The following GDPD1 variants were observed in gnomAD, a reference collection of about 807,000 sequenced individuals.
GDPD1 encodes lysophospholipase D GDPD1.
A neutral mutation model predicts 45.1 loss-of-function variants in GDPD1; 28 were observed. The ratio of observed to expected loss-of-function variants is 0.62; its 90% CI spans 0.46 to 0.85. GDPD1 has a LOEUF of 0.85. Ranked by LOEUF, GDPD1 falls within the 40% of genes least tolerant of loss-of-function variation. The pLI, the probability that GDPD1 is intolerant of heterozygous loss-of-function variation, is 0.00. For missense variants in GDPD1, 256 were observed against 364.8 expected (o/e 0.70, Z 2.43); for synonymous variants, 139 against 131.4 (o/e 1.06, Z -0.40).
chr17:59,262,366 T>A (rs2047363337), intron 6 of GDPD1, among the ~76,000 whole-genome samples: 1 of 152,160 alleles, frequency 6.6e-6, no homozygotes, highest in East Asian at 1.9e-4. Flanking sequence ...GGTAAATGAC[T>A]GAACAAACTC....
intron 1 of GDPD1, among the ~76,000 whole-genome samples, chr17:59,229,939 C>T (rs546632547): frequency 6.6e-6 from 1 of 152,234 alleles, no homozygotes; most frequent in Admixed American, 6.6e-5. Flanking sequence ...GGTGCCAAGA[C>T]CTATATGCAT....
chr17:59,273,049 C>A, intron 9 of GDPD1: 2 of 896,390 alleles, frequency 2.2e-6, no homozygotes, highest in Non-Finnish European at 1.6e-6. Flanking sequence ...TACAGAATAG[C>A]TGATGCCAGA....
chr17:59,221,151 T>C (rs1013556789), intron 1 of GDPD1, among the ~76,000 whole-genome samples: 1 of 151,832 alleles, frequency 6.6e-6, no homozygotes, highest in Non-Finnish European at 1.5e-5. Flanking sequence ...GGGAGCACAC[T>C]GCTCCGAGCG....
chr17:59,250,110 A>G (rs1342140548), intron 4 of GDPD1, among the ~76,000 whole-genome samples: 1 of 152,186 alleles, frequency 6.6e-6, no homozygotes, highest in East Asian at 1.9e-4. Flanking sequence ...TCTAAGGGAT[A>G]TTTAAACCTC....
intron 1 of GDPD1, among the ~76,000 whole-genome samples, chr17:59,225,850 T>C (rs2047043386): frequency 6.6e-6 from 1 of 152,116 alleles, no homozygotes; most frequent in Admixed American, 6.6e-5. Flanking sequence ...GCCTCCCAAG[T>C]AGCTGAGACT....
At chr17:59,242,700 T>G (rs2047183566) in intron 2 of GDPD1, among the ~76,000 whole-genome samples, 1 of 152,086 alleles carries the variant, frequency 6.6e-6, no homozygotes, top group Admixed American at 6.6e-5. Context: ...CACAGACACA[T>G]TCAAAGGTGA....
chr17:59,220,927 G>A lies in GDPD1; in HGVS notation c.142+176G>A, dbSNP rs189365080. Among the ~76,000 whole-genome samples the A allele has an allele frequency of 9.9e-5, 15 of 152,248 alleles. No homozygotes were observed. The East Asian group carries it at 2.7e-3, about 28-fold the overall frequency. ...GTGAAGGGAAGGTCTCCTGAGGGGAGGGAAGGAGAGGGATTCCCGGTCAGA... is the reference window on the plus strand; with the variant it reads ...GTGAAGGGAAGGTCTCCTGAGGGGAAGGAAGGAGAGGGATTCCCGGTCAGA... On this transcript the variant is annotated intron_variant, in intron 1 of 9. Coordinates refer to ENST00000284116, the MANE Select transcript of GDPD1 (RefSeq NM_182569.4).
intron 7 of GDPD1, among the ~76,000 whole-genome samples, chr17:59,270,055 A>G (rs1030320258): frequency 6.6e-6 from 1 of 152,178 alleles, no homozygotes; most frequent in South Asian, 2.1e-4. Context: ...AAGACAATGG[A>G]TATTTTCTAA....
In GDPD1 at chr17:59,220,565, G is replaced by C. The variant is rs1442989368; in HGVS notation, c.-45G>C. The C allele has an allele frequency of 1.0e-5, 16 of 1,597,972 alleles. No homozygotes were observed. The highest frequency in any genetic ancestry group is 1.2e-5 in the Non-Finnish European group (14 of 1,171,174). ...CCGTCGTTGCTACTGCCGCAGCGGA[G>C]TTCAGAGGGCCCGGAGGTGGGAGAC... On this transcript the variant is annotated 5_prime_UTR_variant, in exon 1 of 10. Transcript: ENST00000284116.
chr17:59,248,538 A>G (rs574649279), intron 3 of GDPD1, among the ~76,000 whole-genome samples: 2 of 152,186 alleles, frequency 1.3e-5, no homozygotes, highest in African/African-American at 4.8e-5. Flanking sequence ...TCTATATTAA[A>G]TAGTACAGAT....
chr17:59,234,386 CCAAAA>C (rs2047115524), intron 1 of GDPD1, 101 bp from the exon 2 acceptor site: 20 of 552,030 alleles, frequency 3.6e-5, no homozygotes, highest in South Asian at 6.7e-5. Flanking sequence ...ATGTCTACCC[CCAAAA>C]AAAAAAAAAA....
chr17:59,234,415 T>C (rs1052201750), intron 1 of GDPD1, 77 bp from the exon 2 acceptor site: 2 of 861,448 alleles, frequency 2.3e-6, no homozygotes, highest in African/African-American at 1.8e-5. Context: ...CAAGATTCAT[T>C]AGGTGTATTT....
At chr17:59,271,368 A>G (rs1397234155) in intron 8 of GDPD1, among the ~76,000 whole-genome samples, 2 of 152,234 alleles carry the variant, frequency 1.3e-5, no homozygotes. Flanking sequence ...TATGTTGCCT[A>G]CAGCACATTT....
chr17:59,272,892 A>AAT (rs2047454349), intron 9 of GDPD1, 56 bp downstream of exon 9: 3 of 1,612,954 alleles, frequency 1.9e-6, no homozygotes, highest in Non-Finnish European at 2.5e-6. Flanking sequence ...GTTTAACACA[A>AAT]ATATAAAGGG....
chr17:59,272,835 A>T lies in GDPD1; in HGVS notation c.821A>T (p.Gln274Leu), dbSNP rs2147910055. 1 of 1,613,964 alleles carries T rather than the reference A, an allele frequency of 6.2e-7. No homozygotes were observed. Among genetic ancestry groups the T allele is most frequent in the African/African-American group, 1.3e-5 (1 of 75,058 alleles). The change falls in exon 9 of 10, where the codon CAA (glutamine) becomes CTA (leucine). Residue 274 changes from glutamine to leucine, a missense_variant and splice_region_variant. Transcript: ENST00000284116. ...LFDHLTARGI[Q>L]VYIWVLNEEQ... ...GACCACCTAACTGCTCGAGGCATTCAAGTAAGTTTCTGGAATGATGCATTT... is the reference window on the plus strand; with the variant it reads ...GACCACCTAACTGCTCGAGGCATTCTAGTAAGTTTCTGGAATGATGCATTT...
At chr17:59,235,189 G>C (rs1190663034) in intron 2 of GDPD1, among the ~76,000 whole-genome samples, 2 of 151,926 alleles carry the variant, frequency 1.3e-5, no homozygotes, top group Non-Finnish European at 2.9e-5. Flanking sequence ...GATGTGAAAA[G>C]TTAAACCCAA....
At chr17:59,249,921 A>G (rs2047240165) in intron 4 of GDPD1, among the ~76,000 whole-genome samples, 1 of 152,106 alleles carries the variant, frequency 6.6e-6, no homozygotes, top group Admixed American at 6.6e-5. Flanking sequence ...GTGGTGACGT[A>G]CACCTCTAGT....
Position 59,257,166 on chromosome 17 carries a change from G to C in GDPD1, c.412G>C (p.Glu138Gln), listed in dbSNP as rs754329008. Residue 138 changes from glutamate to glutamine, a missense_variant, in exon 5 of 10, where the codon GAA becomes CAA. Transcript: ENST00000284116. ...GKDNRIPLLK[E>Q]VFEAFPNTPI... ...AGATAACCGAATTCCATTACTGAAGGAAGTTTTTGAGGCCTTTCCTAACAC... is the reference window on the plus strand; with the variant it reads ...AGATAACCGAATTCCATTACTGAAGCAAGTTTTTGAGGCCTTTCCTAACAC... 6.8e-6 allele frequency: 11 copies of C among 1,607,094 alleles called. 1 individual carries two copies. Among genetic ancestry groups the C allele is most frequent in the Non-Finnish European group, 9.4e-6 (11 of 1,176,468 alleles).
chr17:59,242,868 C>T (rs376720072), intron 2 of GDPD1, among the ~76,000 whole-genome samples: 2 of 152,174 alleles, frequency 1.3e-5, no homozygotes, highest in East Asian at 1.9e-4. Flanking sequence ...GGCTCCACCC[C>T]CTCCTTGCAG....
Sources: gnomAD v4.1 joint callset for allele counts (sites outside exome capture counted in the v4.1 genomes callset) on GRCh38, gnomAD v4.1.1 for gene constraint, MANE v1.5 for transcripts, NCBI Gene and HGNC (gene_info 2026-07-23, HGNC 2026-07-21) for gene names.